The following LRRC7 variants were observed in gnomAD, a reference collection of about 807,000 sequenced individuals.
LRRC7 encodes leucine-rich repeat-containing protein 7.
Under a neutral mutation model 175.7 loss-of-function variants are expected in LRRC7, and 23 were observed. The observed-to-expected ratio is 0.13, with a 90% CI of 0.09 to 0.19. The LOEUF is 0.19. Ranked by LOEUF, LRRC7 falls within the 10% of genes least tolerant of loss-of-function variation. The probability of loss-of-function intolerance (pLI) is 1.00; values close to 1 mark genes in which losing one functional copy is unlikely to be tolerated. For missense variants in LRRC7, 1,354 were observed against 1,904.7 expected (o/e 0.71, Z 5.38); for synonymous variants, 685 against 680.9 (o/e 1.01, Z -0.09).
intron 13 of LRRC7, among the ~76,000 whole-genome samples, chr1:70,015,649 G>C (rs1265668100): frequency 6.6e-6 from 1 of 152,194 alleles, no homozygotes; most frequent in Non-Finnish European, 1.5e-5. Context: ...ATATCAGATA[G>C]TGTGAAGTAC....
At chr1:69,913,635 C>A (rs1646600202) in intron 7 of LRRC7, among the ~76,000 whole-genome samples, 1 of 152,054 alleles carries the variant, frequency 6.6e-6, no homozygotes, top group African/African-American at 2.4e-5. Flanking sequence ...CCTTAGCCAC[C>A]CAAGTAGCTG....
intron 7 of LRRC7, among the ~76,000 whole-genome samples, chr1:69,867,671 G>A (rs1013232478): frequency 3.9e-5 from 6 of 152,120 alleles, no homozygotes; most frequent in Admixed American, 6.6e-5. Context: ...AAGATACAAG[G>A]TATGCTTAGG....
intron 2 of LRRC7, among the ~76,000 whole-genome samples, chr1:69,740,112 C>T (rs756807693): frequency 1.2e-4 from 18 of 152,074 alleles, no homozygotes; most frequent in Admixed American, 3.9e-4. Context: ...CAATGATTTA[C>T]GATGGCTCTA....
chr1:69,726,616 G>C, intron 2 of LRRC7, among the ~76,000 whole-genome samples: 1 of 152,094 alleles, frequency 6.6e-6, no homozygotes, highest in Non-Finnish European at 1.5e-5. Flanking sequence ...GGATTCAGGA[G>C]ATTTTACCAT....
At chr1:69,642,879 T>C (rs1005031435) in intron 1 of LRRC7, among the ~76,000 whole-genome samples, 2 of 150,960 alleles carry the variant, frequency 1.3e-5, no homozygotes, top group African/African-American at 4.9e-5. Context: ...TTGGAAGAGA[T>C]TTATTGTGGA....
intron 25 of LRRC7, among the ~76,000 whole-genome samples, chr1:70,098,536 G>T (rs1558067288): frequency 1.3e-5 from 2 of 151,082 alleles, no homozygotes; most frequent in Non-Finnish European, 2.9e-5. Flanking sequence ...CCAGGAGCTG[G>T]TTTTTTGCAA....
Position 69,986,231 on chromosome 1 carries a change from A to C in LRRC7, c.787-11A>C. ...TCTCAACTAACCCTGAGTTTATGCA[A>C]TGTCATCAAGTCTATAGGGAAGTTA... On this transcript the variant is annotated splice_polypyrimidine_tract_variant and intron_variant, in intron 9 of 26. Coordinates refer to ENST00000651989, the MANE Select transcript of LRRC7 (RefSeq NM_001370785.2). The C allele has an allele frequency of 6.2e-7, 1 of 1,609,444 alleles. No individual in the cohort carries two copies. Among genetic ancestry groups the C allele is most frequent in the South Asian group, 1.1e-5 (1 of 90,550 alleles).
intron 1 of LRRC7, among the ~76,000 whole-genome samples, chr1:69,614,171 C>G (rs930923000): frequency 1.3e-5 from 2 of 151,892 alleles, no homozygotes; most frequent in African/African-American, 4.8e-5. Context: ...AACATAAACT[C>G]TTCATTGAAA....
chr1:69,863,431 A>G (rs989746099), intron 7 of LRRC7, among the ~76,000 whole-genome samples: 4 of 152,186 alleles, frequency 2.6e-5, no homozygotes, highest in African/African-American at 9.7e-5. Flanking sequence ...TTATCTCTGT[A>G]TCCTTATTGC....
rs2102274638 is a variant in LRRC7, at chr1:70,133,648, TG to T, written c.*11762del. ...TTGAGCTTATTTTAGGCAGTTTATA[TG>T]TTTTTTTACTAAACCTCTCAGATTG... On this transcript the variant is annotated 3_prime_UTR_variant, in exon 27 of 27. Coordinates refer to ENST00000651989, the MANE Select transcript of LRRC7 (RefSeq NM_001370785.2). 6.6e-6 allele frequency among the ~76,000 whole-genome samples: 1 copy of T among 152,346 alleles called. No homozygotes were observed. The highest frequency in any genetic ancestry group is 2.4e-5 in the African/African-American group (1 of 41,572).
chr1:69,859,185 C>T (rs61782571), intron 7 of LRRC7, among the ~76,000 whole-genome samples: 3,058 of 152,152 alleles, frequency 0.02, 43 homozygotes, highest in Non-Finnish European at 0.031. Flanking sequence ...TAATGTTGCA[C>T]GTTTTCACTG....
intron 2 of LRRC7, among the ~76,000 whole-genome samples, chr1:69,749,670 A>G (rs1042515656): frequency 2.6e-5 from 4 of 152,164 alleles, no homozygotes; most frequent in Non-Finnish European, 4.4e-5. Context: ...AAGTTTTACC[A>G]TAGATTGGTA....
At chr1:69,609,036 T>A (rs564816605) in intron 1 of LRRC7, among the ~76,000 whole-genome samples, 1 of 151,260 alleles carries the variant, frequency 6.6e-6, no homozygotes, top group African/African-American at 2.4e-5. Context: ...GGAAAAAAAA[T>A]GTCCAGATAA....
intron 1 of LRRC7, among the ~76,000 whole-genome samples, chr1:69,617,720 T>C (rs971997977): frequency 6.6e-6 from 1 of 151,936 alleles, no homozygotes; most frequent in Non-Finnish European, 1.5e-5. Flanking sequence ...CCTAACTTCA[T>C]GTATCTGTTT....
intron 3 of LRRC7, among the ~76,000 whole-genome samples, chr1:69,780,645 C>T (rs200283165): frequency 6.6e-6 from 1 of 151,622 alleles, no homozygotes. Context: ...TCTTTTCTAA[C>T]AAAAAAAATT....
chr1:70,074,547 G>A (rs994609124), intron 23 of LRRC7, among the ~76,000 whole-genome samples: 10 of 152,224 alleles, frequency 6.6e-5, no homozygotes, highest in African/African-American at 2.4e-4. Flanking sequence ...GTTGGACAGA[G>A]TTGGATTGAT....
chr1:69,919,349 G>A, intron 7 of LRRC7: 2 of 605,308 alleles, frequency 3.3e-6, no homozygotes, highest in Non-Finnish European at 2.9e-6. Context: ...AGAGCGTGAG[G>A]AGGAAAGATG....
intron 1 of LRRC7, among the ~76,000 whole-genome samples, chr1:69,596,924 A>G (rs1263693779): frequency 6.6e-6 from 1 of 152,202 alleles, no homozygotes; most frequent in Non-Finnish European, 1.5e-5. Context: ...AGTGTATTGA[A>G]TGAGAACAAT....
At chr1:69,910,801 T>G (rs1417891021) in intron 7 of LRRC7, among the ~76,000 whole-genome samples, 1 of 152,278 alleles carries the variant, frequency 6.6e-6, no homozygotes, top group African/African-American at 2.4e-5. Flanking sequence ...CCCCCAGAGG[T>G]GGAGCCTACA....
Sources: allele counts gnomAD v4.1 joint callset (sites outside exome capture counted in the v4.1 genomes callset), GRCh38; gene constraint gnomAD v4.1.1; transcripts MANE v1.5; gene names NCBI Gene and HGNC (gene_info 2026-07-23, HGNC 2026-07-21).